The following RBPMS2 variants were observed in gnomAD, a reference collection of about 807,000 sequenced individuals.
RBPMS2 encodes the protein RNA-binding protein with multiple splicing 2.
In RBPMS2, 14 loss-of-function variants were observed where a neutral mutation model predicts 25.7. The ratio of observed to expected loss-of-function variants is 0.55; its 90% CI spans 0.36 to 0.85. RBPMS2 has a LOEUF of 0.85. RBPMS2 is among the 40% of genes least tolerant of loss of function. The probability of loss-of-function intolerance (pLI) is 0.01; values close to 1 mark genes in which losing one functional copy is unlikely to be tolerated. For missense variants in RBPMS2, 252 were observed against 283.4 expected (o/e 0.89, Z 0.80); for synonymous variants, 127 against 115.6 (o/e 1.10, Z -0.63).
At chr15:64,757,372 T>C (rs1160043085) in intron 1 of RBPMS2, among the ~76,000 whole-genome samples, 1 of 152,160 alleles carries the variant, frequency 6.6e-6, no homozygotes, top group Admixed American at 6.5e-5. Flanking sequence ...GCTGGCTTCA[T>C]TTAGGGCTCC....
chr15:64,770,046 G>C (rs769155861), intron 1 of RBPMS2, among the ~76,000 whole-genome samples: 5 of 152,072 alleles, frequency 3.3e-5, no homozygotes, highest in Admixed American at 6.6e-5. Context: ...GGCCGTAGTG[G>C]TGCGCGCCTG....
At chr15:64,760,826 A>G (rs944406790) in intron 1 of RBPMS2, among the ~76,000 whole-genome samples, 3 of 151,586 alleles carry the variant, frequency 2.0e-5, no homozygotes, top group African/African-American at 7.3e-5. Flanking sequence ...GAAAGCAAAC[A>G]GACCCTTCTC....
chr15:64,744,807 T>G (rs1461785013), intron 6 of RBPMS2, among the ~76,000 whole-genome samples: 15 of 89,228 alleles, frequency 1.7e-4, no homozygotes, highest in African/African-American at 5.3e-4. Context: ...TGTTTTTTTT[T>G]TTTTTTTTTT....
intron 1 of RBPMS2, chr15:64,762,496 C>T (rs766320896): frequency 7.5e-6 from 4 of 534,634 alleles, no homozygotes; most frequent in South Asian, 1.4e-5. Flanking sequence ...CCATCATCAT[C>T]GCACCCAGAT....
chr15:64,775,018 G>C (rs962641844), intron 1 of RBPMS2, among the ~76,000 whole-genome samples: 1 of 150,772 alleles, frequency 6.6e-6, no homozygotes, highest in African/African-American at 2.4e-5. Context: ...AGCCCGAGAG[G>C]GCGGGGAGAC....
chr15:64,740,876 G>T lies in RBPMS2; in HGVS notation c.*132C>A. On this transcript the variant is annotated 3_prime_UTR_variant, in exon 8 of 8. Transcript: ENST00000300069. ...GAACAGGAAGCAGTCCACTGAGTCA[G>T]GCTTGGGATTCACAGTCTCTGGAGG... 1 of 299,122 alleles carries T rather than the reference G, an allele frequency of 3.3e-6. No individual in the cohort carries two copies. The highest frequency in any genetic ancestry group is 6.4e-6 in the Non-Finnish European group (1 of 156,750). 18.5% of individuals were successfully genotyped at this position (299,122 alleles called of 1,614,324 possible).
At chr15:64,761,170 T>C (rs2083781194) in intron 1 of RBPMS2, 1 of 152,098 alleles carries the variant, frequency 6.6e-6, no homozygotes. Context: ...AGCAGTCCCC[T>C]ACCCACTGCT....
In RBPMS2 at chr15:64,749,446, G is replaced by T; in HGVS notation, c.252C>A (p.Ala84=). 1 of 1,613,356 alleles carries T rather than the reference G, an allele frequency of 6.2e-7. No homozygotes were observed. Among genetic ancestry groups the T allele is most frequent in the Admixed American group, 1.7e-5 (1 of 59,834 alleles). ...IFDSRAGAEA[A]KNALNGIRFD... is the part of the protein sequence containing the mutation. ...ACCTACTCACGTTCAGCGCATTCTT[G>T]GCCGCTTCTGCTCCTGCACGGCTGT... The change falls in exon 4 of 8, where the codon GCC becomes GCA. Residue 84 remains alanine, a synonymous_variant. Coordinates refer to ENST00000300069, the MANE Select transcript of RBPMS2 (RefSeq NM_194272.3).
intron 4 of RBPMS2, 39 bp from the exon 5 acceptor site, chr15:64,749,189 G>A: frequency 6.2e-7 from 1 of 1,611,948 alleles, no homozygotes; most frequent in South Asian, 1.1e-5. Context: ...GCTTACTCCG[G>A]GGGACCCAGA....
At chr15:64,748,778 G>A (rs565597253) in intron 5 of RBPMS2, among the ~76,000 whole-genome samples, 28 of 152,256 alleles carry the variant, frequency 1.8e-4, no homozygotes, top group Non-Finnish European at 3.4e-4. Context: ...GCCTCAGCTC[G>A]TCTCAAATGA....
At chr15:64,743,831 G>A (rs551241188) in intron 6 of RBPMS2, among the ~76,000 whole-genome samples, 19 of 152,336 alleles carry the variant, frequency 1.2e-4, no homozygotes, top group African/African-American at 3.6e-4. Flanking sequence ...AAGGCCAGGT[G>A]TGACAGCTCA....
chr15:64,756,273 T>C (rs887052609), intron 1 of RBPMS2, among the ~76,000 whole-genome samples: 1 of 152,158 alleles, frequency 6.6e-6, no homozygotes, highest in Non-Finnish European at 1.5e-5. Flanking sequence ...CCCAGCACTT[T>C]GGGAGGCCAA....
intron 1 of RBPMS2, among the ~76,000 whole-genome samples, chr15:64,770,223 CT>C (rs2083883408): frequency 6.6e-6 from 1 of 152,096 alleles, no homozygotes; most frequent in South Asian, 2.1e-4. Context: ...CTTTCTCCCC[CT>C]GCCTTCCAGT....
chr15:64,753,255 A>G (rs1439042248), intron 1 of RBPMS2, among the ~76,000 whole-genome samples: 1 of 152,170 alleles, frequency 6.6e-6, no homozygotes, highest in Non-Finnish European at 1.5e-5. Flanking sequence ...AGAAGTTCAC[A>G]TGCCTCACCC....
At chr15:64,770,864 G>C (rs1472605765) in intron 1 of RBPMS2, among the ~76,000 whole-genome samples, 2 of 151,820 alleles carry the variant, frequency 1.3e-5, no homozygotes, top group Non-Finnish European at 2.9e-5. Flanking sequence ...AAGCCACCCA[G>C]TGGTCCCAGG....
intron 3 of RBPMS2, 48 bp downstream of exon 3, chr15:64,750,295 A>G (rs772301673): frequency 6.4e-7 from 1 of 1,556,360 alleles, no homozygotes; most frequent in South Asian, 1.1e-5. Context: ...TTTGAAGCTC[A>G]GCAGCCGGTC....
intron 6 of RBPMS2, among the ~76,000 whole-genome samples, chr15:64,743,467 G>C (rs1479253922): frequency 6.6e-6 from 1 of 152,272 alleles, no homozygotes; most frequent in African/African-American, 2.4e-5. Flanking sequence ...TAGAAGGGCT[G>C]CTTTTCCGCT....
At chr15:64,749,567 A>G in intron 3 of RBPMS2, 74 bp from the exon 4 acceptor site, 1 of 1,297,986 alleles carries the variant, frequency 7.7e-7, no homozygotes, top group Non-Finnish European at 1.1e-6. Flanking sequence ...AACAACAAAA[A>G]AAGAGTATCA....
chr15:64,755,700 G>A (rs895112221), intron 1 of RBPMS2, among the ~76,000 whole-genome samples: 1 of 152,164 alleles, frequency 6.6e-6, no homozygotes. Context: ...ACACCAGAGT[G>A]AGGAGGGCAG....
Sources: allele counts gnomAD v4.1 joint callset (sites outside exome capture counted in the v4.1 genomes callset), GRCh38; gene constraint gnomAD v4.1.1; transcripts MANE v1.5; gene names NCBI Gene and HGNC (gene_info 2026-07-23, HGNC 2026-07-21).